The following DLGAP2 variants were observed in gnomAD, a reference collection of about 807,000 sequenced individuals.
The protein encoded by DLGAP2 is disks large-associated protein 2.
DLGAP2 carries 26 observed loss-of-function variants against 100.3 expected under a neutral mutation model. The ratio of observed to expected loss-of-function variants is 0.26; its 90% CI spans 0.19 to 0.36. The LOEUF is 0.36. Ranked by LOEUF, DLGAP2 falls within the 10% of genes least tolerant of loss-of-function variation. The pLI is 1.00. For missense variants in DLGAP2, 1,858 were observed against 1,453.2 expected (o/e 1.28, Z -4.53); for synonymous variants, 886 against 630.1 (o/e 1.41, Z -6.08).
intron 3 of DLGAP2, among the ~76,000 whole-genome samples, chr8:1,331,172 T>C (rs1371109182): frequency 6.6e-6 from 1 of 152,182 alleles, no homozygotes; most frequent in East Asian, 1.9e-4. Context: ...CTGGGGGAAG[T>C]GGATTCTTAG....
intron 1 of DLGAP2, among the ~76,000 whole-genome samples, chr8:871,531 C>T (rs568662932): frequency 6.6e-6 from 1 of 152,074 alleles, no homozygotes; most frequent in South Asian, 2.1e-4. Flanking sequence ...TGGGATTATC[C>T]AGGTTTAGCA....
chr8:1,226,069 T>C (rs1798409605), intron 2 of DLGAP2, among the ~76,000 whole-genome samples: 1 of 152,070 alleles, frequency 6.6e-6, no homozygotes, highest in South Asian at 2.1e-4. Flanking sequence ...ATATATCTAA[T>C]AAGGGGGTAA....
intron 1 of DLGAP2, among the ~76,000 whole-genome samples, chr8:877,062 C>T (rs547162288): frequency 6.6e-6 from 1 of 150,968 alleles, no homozygotes; most frequent in African/African-American, 2.4e-5. Flanking sequence ...GTCATAGTCT[C>T]CTTTGGTTCT....
chr8:949,697 C>G (rs1485549300), intron 2 of DLGAP2, among the ~76,000 whole-genome samples: 2 of 152,104 alleles, frequency 1.3e-5, no homozygotes, highest in Non-Finnish European at 2.9e-5. Flanking sequence ...TTGCAGTGTC[C>G]CCGGTTGTCC....
chr8:1,329,841 A>G (rs1348523312), intron 3 of DLGAP2, among the ~76,000 whole-genome samples: 2 of 152,186 alleles, frequency 1.3e-5, no homozygotes, highest in Non-Finnish European at 2.9e-5. Flanking sequence ...TCTCATACCA[A>G]ACAGGCCTAG....
At chr8:1,613,610 C>T (rs1398721277) in intron 6 of DLGAP2, among the ~76,000 whole-genome samples, 2 of 151,872 alleles carry the variant, frequency 1.3e-5, no homozygotes, top group African/African-American at 4.8e-5. Context: ...CACCCAGCTC[C>T]ATGAGGACAA....
chr8:1,287,160 G>GCA (rs148899684), intron 3 of DLGAP2, among the ~76,000 whole-genome samples: 25,726 of 129,800 alleles, frequency 0.2, 3,264 homozygotes, highest in South Asian at 0.35. Context: ...GTGTGTGTGC[G>GCA]CGCGCGCGCG....
chr8:919,289 C>G (rs1798658882), intron 2 of DLGAP2, among the ~76,000 whole-genome samples: 1 of 152,182 alleles, frequency 6.6e-6, no homozygotes, highest in Non-Finnish European at 1.5e-5. Flanking sequence ...CCTAGGTGCC[C>G]TCATGGTGCT....
intron 12 of DLGAP2, among the ~76,000 whole-genome samples, chr8:1,683,962 A>C (rs1298856785): frequency 1.2e-5 from 1 of 85,684 alleles, no homozygotes; most frequent in African/African-American, 5.0e-5. Context: ...GTGTATATAT[A>C]TATATATATA....
chr8:774,461 C>G (rs1821456540), intron 1 of DLGAP2, among the ~76,000 whole-genome samples: 1 of 152,052 alleles, frequency 6.6e-6, no homozygotes, highest in South Asian at 2.1e-4. Context: ...AGGTTTTCTT[C>G]TAGGGTTTTT....
intron 2 of DLGAP2, among the ~76,000 whole-genome samples, chr8:928,455 T>C (rs1261181711): frequency 6.6e-6 from 1 of 152,080 alleles, no homozygotes; most frequent in African/African-American, 2.4e-5. Context: ...GGAAGAGGAA[T>C]GAGGAACAGG....
intron 3 of DLGAP2, among the ~76,000 whole-genome samples, chr8:1,384,061 G>A (rs976308659): frequency 1.3e-5 from 2 of 152,184 alleles, no homozygotes; most frequent in Admixed American, 1.3e-4. Flanking sequence ...TCATTCAGAC[G>A]TTGGGAAACA....
chr8:1,195,091 C>T (rs920206674), intron 2 of DLGAP2, among the ~76,000 whole-genome samples: 3 of 152,258 alleles, frequency 2.0e-5, no homozygotes, highest in Admixed American at 6.5e-5. Context: ...TTTCCAGGCC[C>T]CCGGCATCCT....
intron 2 of DLGAP2, among the ~76,000 whole-genome samples, chr8:994,304 G>A (rs576094451): frequency 1.1e-4 from 16 of 152,246 alleles, no homozygotes; most frequent in East Asian, 5.8e-4. Context: ...AGATTCAAGC[G>A]ATTCTCCTGC....
chr8:901,005 G>T, intron 1 of DLGAP2, among the ~76,000 whole-genome samples: 2 of 152,302 alleles, frequency 1.3e-5, no homozygotes, highest in African/African-American at 4.8e-5. Flanking sequence ...GACAAGTCGG[G>T]GTAGGTTGGG....
chr8:881,598 C>G (rs1418656539), intron 1 of DLGAP2, among the ~76,000 whole-genome samples: 1 of 140,650 alleles, frequency 7.1e-6, no homozygotes, highest in Non-Finnish European at 1.5e-5. Context: ...CTCCTGGGTT[C>G]AAGCAGTTCT....
intron 1 of DLGAP2, among the ~76,000 whole-genome samples, chr8:810,565 A>G (rs1796352249): frequency 6.6e-6 from 1 of 152,244 alleles, no homozygotes; most frequent in Admixed American, 6.5e-5. Flanking sequence ...ATCCTTATTT[A>G]TGAGACATGC....
chr8:750,839 A>G (rs1375817918), intron 1 of DLGAP2, among the ~76,000 whole-genome samples: 1 of 152,244 alleles, frequency 6.6e-6, no homozygotes. Context: ...CATTTTTTAA[A>G]AAGAATTCAA....
At chr8:933,000 C>G (rs1389887604) in intron 2 of DLGAP2, among the ~76,000 whole-genome samples, 1 of 152,060 alleles carries the variant, frequency 6.6e-6, no homozygotes, top group African/African-American at 2.4e-5. Context: ...AGGGTTTTTT[C>G]TTCTTTCCTG....
Sources: gnomAD v4.1 joint callset for allele counts (sites outside exome capture counted in the v4.1 genomes callset) on GRCh38, gnomAD v4.1.1 for gene constraint, MANE v1.5 for transcripts, NCBI Gene and HGNC (gene_info 2026-07-23, HGNC 2026-07-21) for gene names.